The following KDM6A variants were observed in gnomAD, a reference collection of about 807,000 sequenced individuals.
KDM6A encodes lysine demethylase 6A.
Under a neutral mutation model 117.6 loss-of-function variants are expected in KDM6A, and 11 were observed. The observed-to-expected ratio is 0.09, with a 90% CI of 0.06 to 0.15. The LOEUF (loss-of-function observed/expected upper bound fraction) is 0.15, where lower values mean the gene tolerates loss of function less well. Ranked by LOEUF, KDM6A falls within the 10% of genes least tolerant of loss-of-function variation. The probability of loss-of-function intolerance (pLI) is 1.00; values close to 1 mark genes in which losing one functional copy is unlikely to be tolerated. For synonymous variants in KDM6A, 384 were observed against 396.1 expected (o/e 0.97, Z 0.36); for missense variants, 799 against 1,077.3 (o/e 0.74, Z 3.62).
chrX:44,989,200 G>A (rs1024779203), intron 4 of KDM6A, among the ~76,000 whole-genome samples: 5 of 100,813 alleles, frequency 5.0e-5, no homozygotes, highest in African/African-American at 1.1e-4. Context: ...AGGACCCTCC[G>A]AGCCAGACAC....
intron 5 of KDM6A, among the ~76,000 whole-genome samples, chrX:45,015,204 G>A (rs2041913333): frequency 9.1e-6 from 1 of 110,171 alleles, no homozygotes; most frequent in South Asian, 3.9e-4. Context: ...CGGGGCTCTA[G>A]TGATCCTTCT....
chrX:44,913,495 G>T (rs2035350743), intron 2 of KDM6A, among the ~76,000 whole-genome samples: 2 of 109,008 alleles, frequency 1.8e-5, no homozygotes, highest in Admixed American at 2.0e-4. Flanking sequence ...TAGAGACTGG[G>T]TTTCACCATG....
intron 5 of KDM6A, among the ~76,000 whole-genome samples, chrX:45,014,406 C>T (rs1039855797): frequency 9.0e-6 from 1 of 111,723 alleles, no homozygotes; most frequent in Admixed American, 9.5e-5. Flanking sequence ...ATTGGACTTA[C>T]GGTAACAGCT....
chrX:44,907,569 T>A (rs2034796812), intron 2 of KDM6A, among the ~76,000 whole-genome samples: 1 of 103,619 alleles, frequency 9.7e-6, no homozygotes, highest in Non-Finnish European at 2.0e-5. Context: ...CAACCTTCAC[T>A]TCCCGTGTTC....
chrX:44,932,148 G>A, intron 2 of KDM6A, among the ~76,000 whole-genome samples: 1 of 89,063 alleles, frequency 1.1e-5, no homozygotes, highest in Admixed American at 1.4e-4. Flanking sequence ...AGGCTAGAGT[G>A]CAGGGGTGTG....
chrX:45,012,661 T>C (rs1420187596), intron 5 of KDM6A, among the ~76,000 whole-genome samples: 2 of 111,669 alleles, frequency 1.8e-5, no homozygotes, highest in South Asian at 3.7e-4. Flanking sequence ...TGAATACTTA[T>C]TACAGAGCAT....
chrX:45,103,159 G>C (rs2046393951), intron 27 of KDM6A, among the ~76,000 whole-genome samples: 1 of 111,258 alleles, frequency 9.0e-6, no homozygotes, highest in Non-Finnish European at 1.9e-5. Flanking sequence ...CCATTAGAAT[G>C]TCAGAGTAAC....
chrX:44,980,480 C>T (rs1011552323), intron 4 of KDM6A, among the ~76,000 whole-genome samples: 3 of 109,507 alleles, frequency 2.7e-5, no homozygotes, highest in Non-Finnish European at 3.8e-5. Flanking sequence ...GTGAACATGG[C>T]GTATTTCACC....
At chrX:45,092,045 C>A (rs2045913988) in intron 27 of KDM6A, among the ~76,000 whole-genome samples, 1 of 110,992 alleles carries the variant, frequency 9.0e-6, no homozygotes, top group African/African-American at 3.3e-5. Flanking sequence ...CAAATTATAG[C>A]GAGTAATGTA....
At chrX:45,081,629 G>A (rs1384741449) in intron 21 of KDM6A, among the ~76,000 whole-genome samples, 3 of 111,244 alleles carry the variant, frequency 2.7e-5, no homozygotes. Context: ...AATCAAGATT[G>A]GGATGCCCTA....
rs989855235 is a variant in KDM6A, at chrX:45,098,406, A to T, written c.4034+7542A>T. Among the ~76,000 whole-genome samples the T allele has an allele frequency of 3.5e-5, 4 of 112,726 alleles. 1 individual carries two copies. The highest frequency in any genetic ancestry group is 5.6e-5 in the Non-Finnish European group (3 of 53,327). On this transcript the variant is annotated intron_variant, in intron 27 of 29. Coordinates refer to ENST00000611820, the MANE Select transcript of KDM6A (RefSeq NM_001291415.2). Reference sequence around the variant, plus strand: ...AAGATTAGAGGGTAAAATAGACTACACTTGGTAATTGATTGGTGGTAGAGT... The same window carrying T: ...AAGATTAGAGGGTAAAATAGACTACTCTTGGTAATTGATTGGTGGTAGAGT...
At chrX:45,049,839 G>A (rs2043753140) in intron 8 of KDM6A, among the ~76,000 whole-genome samples, 1 of 112,359 alleles carries the variant, frequency 8.9e-6, no homozygotes, top group Non-Finnish European at 1.9e-5. Context: ...AGCACAATAT[G>A]CTTAATTTGT....
chrX:44,964,872 G>A (rs1364716239), intron 3 of KDM6A, among the ~76,000 whole-genome samples: 3 of 112,342 alleles, frequency 2.7e-5, no homozygotes, highest in Non-Finnish European at 3.8e-5. Context: ...GAAGCCAGAT[G>A]TTGATGAAAG....
At chrX:44,946,781 A>G (rs1478192168) in intron 2 of KDM6A, among the ~76,000 whole-genome samples, 1 of 110,015 alleles carries the variant, frequency 9.1e-6, no homozygotes, top group African/African-American at 3.3e-5. Flanking sequence ...GCTTGCCACC[A>G]CTTTTTTGTT....
intron 27 of KDM6A, among the ~76,000 whole-genome samples, chrX:45,100,291 C>CT (rs2046290491): frequency 9.0e-6 from 1 of 111,048 alleles, no homozygotes; most frequent in African/African-American, 3.3e-5. Flanking sequence ...AGATAACAGG[C>CT]TTTCAGAATA....
chrX:45,062,617 G>T, intron 15 of KDM6A, 30 bp from the exon 16 acceptor site: 1 of 1,020,803 alleles, frequency 9.8e-7, no homozygotes, highest in South Asian at 1.9e-5. Context: ...ATATATCTTT[G>T]ACTATATTCT....
chrX:45,110,008 A>G (rs2046705784), intron 28 of KDM6A, 71 bp from the exon 29 acceptor site: 1 of 981,330 alleles, frequency 1.0e-6, no homozygotes, highest in Non-Finnish European at 1.4e-6. Context: ...GTAGAATTCC[A>G]TGATTATACT....
At chrX:44,910,226 AC>A (rs746130811) in intron 2 of KDM6A, among the ~76,000 whole-genome samples, 1 of 111,825 alleles carries the variant, frequency 8.9e-6, no homozygotes, top group South Asian at 3.7e-4. Flanking sequence ...CGCTCCTGTT[AC>A]CCAGGCTGGA....
At chrX:44,916,189 C>G (rs1212538491) in intron 2 of KDM6A, among the ~76,000 whole-genome samples, 5 of 110,893 alleles carry the variant, frequency 4.5e-5, no homozygotes, top group Non-Finnish European at 9.4e-5. Flanking sequence ...TGGAACATTT[C>G]CTCTGTGAAT....
Sources: allele counts gnomAD v4.1 joint callset (sites outside exome capture counted in the v4.1 genomes callset), GRCh38; gene constraint gnomAD v4.1.1; transcripts MANE v1.5; gene names NCBI Gene and HGNC (gene_info 2026-07-23, HGNC 2026-07-21).